DOCK5: variants seen among roughly 807,000 people sequenced by gnomAD.
DOCK5 encodes dedicator of cytokinesis protein 5.
In DOCK5, 142 loss-of-function variants were observed where a neutral mutation model predicts 251.8. The ratio of observed to expected loss-of-function variants is 0.56; its 90% CI spans 0.49 to 0.65. The LOEUF (loss-of-function observed/expected upper bound fraction) is 0.65. Ranked by LOEUF, DOCK5 falls within the 30% of genes least tolerant of loss-of-function variation. The pLI is 0.00. For synonymous variants in DOCK5, 842 were observed against 835.5 expected, an observed-to-expected ratio of 1.01 and a Z score of -0.13; for missense variants, 2,111 against 2,312.3, an observed-to-expected ratio of 0.91 and a Z score of 1.79.
In DOCK5 at chr8:25,272,192, C is replaced by T. The variant is rs182387400; in HGVS notation, c.169-3194C>T. Among the ~76,000 whole-genome samples, 392 of 152,116 alleles carry T rather than the reference C, an allele frequency of 2.6e-3. 1 individual carries two copies. The highest frequency in any genetic ancestry group is 8.5e-3 in the African/African-American group (351 of 41,504). On this transcript the variant is annotated intron_variant, in intron 3 of 51. Coordinates refer to ENST00000276440, the MANE Select transcript of DOCK5 (RefSeq NM_024940.8). ...CATTGGCATGTGCCACCATGCTGTG[C>T]TAATTTTTTAAATTTTTGTAGAGAC...
At chr8:25,408,726 A>G (rs1801566141) in intron 49 of DOCK5, 76 bp from the exon 50 acceptor site, 2 of 1,555,236 alleles carry the variant, frequency 1.3e-6, no homozygotes, top group Non-Finnish European at 1.8e-6. Flanking sequence ...TTCTCAGAAG[A>G]CAAGGCTGTT....
intron 38 of DOCK5, among the ~76,000 whole-genome samples, chr8:25,379,401 G>T (rs1043500194): frequency 1.3e-5 from 2 of 152,052 alleles, no homozygotes; most frequent in African/African-American, 4.8e-5. Context: ...TCTCCTACTT[G>T]TACGTCCATT....
chr8:25,224,382 G>A (rs1247080793), intron 1 of DOCK5, among the ~76,000 whole-genome samples: 1 of 152,228 alleles, frequency 6.6e-6, no homozygotes, highest in Non-Finnish European at 1.5e-5. Context: ...GCCTCCCAAA[G>A]TGCTGGGATT....
intron 1 of DOCK5, among the ~76,000 whole-genome samples, chr8:25,209,857 G>C (rs1160383541): frequency 1.5e-5 from 1 of 65,658 alleles, no homozygotes; most frequent in Non-Finnish European, 4.8e-5. Context: ...GGAGCCTCCT[G>C]TGTTTTCCTC....
intron 51 of DOCK5, among the ~76,000 whole-genome samples, chr8:25,410,987 GCA>G (rs757534006): frequency 0.02 from 2,117 of 106,918 alleles, 29 homozygotes; most frequent in Middle Eastern, 0.043. Flanking sequence ...GCGCGCGCAC[GCA>G]CGCACGCACG....
intron 25 of DOCK5, among the ~76,000 whole-genome samples, chr8:25,343,027 C>T (rs776245423): frequency 6.6e-6 from 1 of 151,814 alleles, no homozygotes; most frequent in Non-Finnish European, 1.5e-5. Flanking sequence ...AAGACGGAAT[C>T]TCACTCCCTC....
At chr8:25,331,611 G>A (rs1805682627) in intron 18 of DOCK5, among the ~76,000 whole-genome samples, 1 of 152,072 alleles carries the variant, frequency 6.6e-6, no homozygotes, top group South Asian at 2.1e-4. Context: ...GGGGAAAACA[G>A]TATGATAGAG....
intron 5 of DOCK5, among the ~76,000 whole-genome samples, chr8:25,285,719 C>A (rs190904062): frequency 6.6e-6 from 1 of 152,180 alleles, no homozygotes; most frequent in Non-Finnish European, 1.5e-5. Context: ...GGAACGTAAT[C>A]TCTGAAGTAC....
chr8:25,185,035 C>G, intron 1 of DOCK5, 84 bp downstream of exon 1: 23 of 1,251,666 alleles, frequency 1.8e-5, no homozygotes, highest in South Asian at 3.2e-5. Context: ...GCGCAGAGCC[C>G]GGCGGAGGAC....
intron 28 of DOCK5, among the ~76,000 whole-genome samples, chr8:25,360,633 G>GTACCCAC (rs1800660697): frequency 6.6e-6 from 1 of 152,182 alleles, no homozygotes; most frequent in Non-Finnish European, 1.5e-5. Context: ...CACCTTGAGG[G>GTACCCAC]TTAATTAAGT....
chr8:25,380,024 A>G (rs11987534), intron 38 of DOCK5, among the ~76,000 whole-genome samples: 28,931 of 152,120 alleles, frequency 0.19, 3,199 homozygotes, highest in African/African-American at 0.3. Context: ...CCTGTTAAAC[A>G]CAGTATTGCT....
At chr8:25,325,924 T>A (rs1026358605) in intron 18 of DOCK5, among the ~76,000 whole-genome samples, 1 of 152,200 alleles carries the variant, frequency 6.6e-6, no homozygotes, top group Non-Finnish European at 1.5e-5. Context: ...CAAAGAAATA[T>A]AATCAGTTTC....
intron 1 of DOCK5, among the ~76,000 whole-genome samples, chr8:25,198,101 C>A (rs576382279): frequency 6.6e-6 from 1 of 152,272 alleles, no homozygotes; most frequent in East Asian, 1.9e-4. Context: ...GAGACTAATT[C>A]CCTCTTGAAA....
intron 3 of DOCK5, among the ~76,000 whole-genome samples, chr8:25,273,435 T>A (rs1803964468): frequency 6.6e-6 from 1 of 152,170 alleles, no homozygotes; most frequent in African/African-American, 2.4e-5. Context: ...AAATCCTGTC[T>A]CTACTAAAAA....
At chr8:25,387,295 C>T (rs1469910799) in intron 40 of DOCK5, among the ~76,000 whole-genome samples, 1 of 151,912 alleles carries the variant, frequency 6.6e-6, no homozygotes, top group East Asian at 1.9e-4. Context: ...AATCCTGCCT[C>T]AGCCTCCTGA....
At chr8:25,272,934 A>G (rs1803949508) in intron 3 of DOCK5, among the ~76,000 whole-genome samples, 1 of 152,028 alleles carries the variant, frequency 6.6e-6, no homozygotes, top group Non-Finnish European at 1.5e-5. Context: ...TGACTACTCC[A>G]GGTGTAAGTG....
At chr8:25,290,648 A>G (rs960871830) in intron 5 of DOCK5, among the ~76,000 whole-genome samples, 1 of 137,610 alleles carries the variant, frequency 7.3e-6, no homozygotes, top group African/African-American at 2.6e-5. Flanking sequence ...AATTATAATT[A>G]TTTCTCCATT....
intron 2 of DOCK5, among the ~76,000 whole-genome samples, chr8:25,265,081 C>A (rs189954490): frequency 6.3e-4 from 95 of 151,594 alleles, no homozygotes; most frequent in Non-Finnish European, 1.2e-3. Context: ...GATAATTAAT[C>A]TTGGCTACAC....
At chr8:25,320,124 A>G (rs922897660) in intron 15 of DOCK5, among the ~76,000 whole-genome samples, 1 of 152,162 alleles carries the variant, frequency 6.6e-6, no homozygotes, top group Non-Finnish European at 1.5e-5. Context: ...AGGTGTTGTA[A>G]CGCCATCTTT....
Sources: allele counts gnomAD v4.1 joint callset (sites outside exome capture counted in the v4.1 genomes callset), GRCh38; gene constraint gnomAD v4.1.1; transcripts MANE v1.5; gene names NCBI Gene and HGNC (gene_info 2026-07-23, HGNC 2026-07-21).